The following ZBTB16 variants were observed in gnomAD, a reference collection of about 807,000 sequenced individuals.
ZBTB16 encodes the protein zinc finger and BTB domain containing 16, also known as zinc finger and BTB domain-containing protein 16.
In ZBTB16, 8 loss-of-function variants were observed where a neutral mutation model predicts 56.8. That is an observed-to-expected ratio of 0.14 (90% CI 0.08 to 0.25). The LOEUF (loss-of-function observed/expected upper bound fraction) is 0.25, where lower values mean the gene tolerates loss of function less well. ZBTB16 is among the 10% of genes least tolerant of loss of function. The probability of loss-of-function intolerance (pLI) is 1.00; values close to 1 mark genes in which losing one functional copy is unlikely to be tolerated. For missense variants in ZBTB16, 625 were observed against 903.0 expected (o/e 0.69, Z 3.95); for synonymous variants, 363 against 368.5 (o/e 0.98, Z 0.17).
At position 114,250,918 on chromosome 11, in the gene ZBTB16, A is replaced by G. The variant is rs35728782; in HGVS notation, c.*363A>G. 0.27 allele frequency among the ~76,000 whole-genome samples: 41,112 copies of G among 152,082 alleles called. 5,733 individuals carry two copies. Among genetic ancestry groups the G allele is most frequent in the Middle Eastern group, 0.37 (110 of 294 alleles). On this transcript the variant is annotated 3_prime_UTR_variant, in exon 7 of 7. Transcript: ENST00000335953. The surrounding 1 kb of genome is among the most constrained non-coding windows in gnomAD (Gnocchi z 6.0). The stretch of plus-strand genomic sequence containing the variant: ...AAAGCAGGTGAGAGGTCCTCTGGTC[A>G]GAGCCACACGGTCTGTGCCGGCCTT...
At chr11:114,225,004 G>C (rs1393105803) in intron 4 of ZBTB16, among the ~76,000 whole-genome samples, 1 of 152,146 alleles carries the variant, frequency 6.6e-6, no homozygotes, top group Non-Finnish European at 1.5e-5. Flanking sequence ...TGGGTAGGCA[G>C]CTCTAGGAGT....
At position 114,064,347 on chromosome 11, in the gene ZBTB16, G is replaced by A. The variant is rs200705288; in HGVS notation, c.1047G>A (p.Pro349=). 7.2e-5 allele frequency: 116 copies of A among 1,614,068 alleles called. No homozygotes were observed. In the East Asian group the frequency reaches 2.3e-3, roughly 31 times the overall value. Residue 349 remains proline, a synonymous_variant, in exon 2 of 7, where the codon CCG becomes CCA. Coordinates refer to ENST00000335953, the MANE Select transcript of ZBTB16 (RefSeq NM_006006.6). This position sits in a 1 kb window ranked among gnomAD's most constrained non-coding sequence, Gnocchi z 4.2. Reference sequence around the variant, plus strand: ...AGGCTGACGCTGTATTGAGCATGCCGTCTTCCGTGACCTCTGGCCTCCACG... The same window carrying A: ...AGGCTGACGCTGTATTGAGCATGCCATCTTCCGTGACCTCTGGCCTCCACG... ...NHKADAVLSM[P]SSVTSGLHVQ...
chr11:114,241,399 C>A (rs563058267), intron 4 of ZBTB16, among the ~76,000 whole-genome samples: 1 of 152,112 alleles, frequency 6.6e-6, no homozygotes, highest in Non-Finnish European at 1.5e-5. Context: ...AGGAGGCGAG[C>A]GAGTGAAACT....
intron 4 of ZBTB16, among the ~76,000 whole-genome samples, chr11:114,239,260 G>A (rs1944654213): frequency 6.6e-6 from 1 of 152,164 alleles, no homozygotes; most frequent in African/African-American, 2.4e-5. Flanking sequence ...CTCTGCCCAG[G>A]TTCCTTCCAT....
At chr11:114,073,641 G>A (rs1413707247) in intron 2 of ZBTB16, among the ~76,000 whole-genome samples, 1 of 152,180 alleles carries the variant, frequency 6.6e-6, no homozygotes. Flanking sequence ...ATTTTCTTCG[G>A]TGTGAACAGA....
chr11:114,133,329 C>A (rs1941715638), intron 2 of ZBTB16, among the ~76,000 whole-genome samples: 1 of 152,126 alleles, frequency 6.6e-6, no homozygotes, highest in Non-Finnish European at 1.5e-5. Context: ...TGGTCAGCCC[C>A]AGCAGGGCCT....
chr11:114,219,027 T>C (rs1237068439), intron 4 of ZBTB16, among the ~76,000 whole-genome samples: 4 of 152,154 alleles, frequency 2.6e-5, no homozygotes, highest in Admixed American at 2.6e-4. Context: ...TGTGTGTGTG[T>C]GTGCATGTGC....
chr11:114,190,783 A>C (rs1357339050), intron 4 of ZBTB16, among the ~76,000 whole-genome samples: 2 of 152,148 alleles, frequency 1.3e-5, no homozygotes, highest in Admixed American at 1.3e-4. Context: ...ATGTGTATAC[A>C]TACACACACA....
chr11:114,216,739 T>C (rs942265938), intron 4 of ZBTB16, among the ~76,000 whole-genome samples: 2 of 152,230 alleles, frequency 1.3e-5, no homozygotes, highest in African/African-American at 4.8e-5. Flanking sequence ...AAAGATCCCC[T>C]ATTCCCTATC....
intron 2 of ZBTB16, among the ~76,000 whole-genome samples, chr11:114,106,472 CT>C (rs59505866): frequency 2.2e-3 from 308 of 139,542 alleles, no homozygotes; most frequent in Middle Eastern, 3.8e-3. Flanking sequence ...TCACGATCTT[CT>C]TTTTTTTTTT....
intron 1 of ZBTB16, chr11:114,061,629 C>G (rs1938874909): frequency 6.6e-6 from 1 of 152,224 alleles, no homozygotes; most frequent in Non-Finnish European, 1.5e-5. Context: ...GCATTCACTG[C>G]AATATTGGTC....
At chr11:114,160,568 A>C (rs1282251827) in intron 3 of ZBTB16, among the ~76,000 whole-genome samples, 1 of 152,198 alleles carries the variant, frequency 6.6e-6, no homozygotes, top group Non-Finnish European at 1.5e-5. Flanking sequence ...CAATTTGTTT[A>C]ATTAGAAGTT....
At chr11:114,108,445 C>T (rs573473564) in intron 2 of ZBTB16, among the ~76,000 whole-genome samples, 1 of 152,246 alleles carries the variant, frequency 6.6e-6, no homozygotes, top group African/African-American at 2.4e-5. Flanking sequence ...TTGATGGCCA[C>T]GGGCTTATTT....
intron 4 of ZBTB16, among the ~76,000 whole-genome samples, chr11:114,220,355 G>A (rs903014443): frequency 1.3e-5 from 2 of 152,156 alleles, no homozygotes; most frequent in Admixed American, 1.3e-4. Flanking sequence ...ATGTGTGTGT[G>A]CAATGCATGC....
rs529530733 is a variant in ZBTB16, at chr11:114,164,755, G to A, written c.1366+8321G>A. Among the ~76,000 whole-genome samples, 6 of 152,158 alleles carry A rather than the reference G, an allele frequency of 3.9e-5. No homozygotes were observed. In the South Asian group the frequency reaches 1.2e-3, roughly 32 times the overall value. On this transcript the variant is annotated intron_variant, in intron 3 of 6. Coordinates refer to ENST00000335953, the MANE Select transcript of ZBTB16 (RefSeq NM_006006.6). ...ATCTGTATCCAGGGCTGTGCCTGAG[G>A]GGCCCCACCCTGCTTTGGGCATCCA...
At chr11:114,194,519 C>T (rs1422461214) in intron 4 of ZBTB16, among the ~76,000 whole-genome samples, 9 of 152,090 alleles carry the variant, frequency 5.9e-5, no homozygotes, top group African/African-American at 9.7e-5. Flanking sequence ...TTTGGTACAA[C>T]GAAGGCTTTG....
At chr11:114,087,967 T>C (rs1249942088) in intron 2 of ZBTB16, among the ~76,000 whole-genome samples, 1 of 152,154 alleles carries the variant, frequency 6.6e-6, no homozygotes, top group Admixed American at 6.5e-5. Flanking sequence ...TCCCATGCCA[T>C]ATCCTTCTCT....
At chr11:114,181,978 G>T (rs79149363) in intron 3 of ZBTB16, among the ~76,000 whole-genome samples, 5,308 of 152,232 alleles carry the variant, frequency 0.035, 154 homozygotes, top group East Asian at 0.11. Flanking sequence ...ATCAGCAAGG[G>T]CCTCCCTGAC....
At position 114,192,605 on chromosome 11, in the gene ZBTB16, G is replaced by A. The variant is rs569604754; in HGVS notation, c.1453+5567G>A. The stretch of plus-strand genomic sequence containing the variant: ...TTGAGCTTTGGTCTGGAGGGGCCTT[G>A]CCCTGTCATGATGGGAGGGGAGCTT... On this transcript the variant is annotated intron_variant, in intron 4 of 6. Transcript: ENST00000335953. Among the ~76,000 whole-genome samples the A allele has an allele frequency of 7.9e-5, 12 of 152,324 alleles. No individual in the cohort carries two copies. In the South Asian group the frequency reaches 1.2e-3, roughly 16 times the overall value.
Sources: gnomAD v4.1 joint callset for allele counts (sites outside exome capture counted in the v4.1 genomes callset) on GRCh38, gnomAD v4.1.1 for gene constraint, Gnocchi (gnomAD v3.1) non-coding constraint, MANE v1.5 for transcripts, NCBI Gene and HGNC (gene_info 2026-07-23, HGNC 2026-07-21) for gene names.